Variants in SIX4 observed in about 807,000 individuals in gnomAD.
The protein encoded by SIX4 is homeobox protein SIX4.
Under a neutral mutation model 51.5 loss-of-function variants are expected in SIX4, and 23 were observed. That is an observed-to-expected ratio of 0.45 (90% CI 0.32 to 0.63). The LOEUF (loss-of-function observed/expected upper bound fraction) is 0.63. Among genes scored for constraint, SIX4 ranks in the 30% least tolerant of loss-of-function variants. The pLI is 0.04. For missense variants in SIX4, 867 were observed against 984.0 expected, an observed-to-expected ratio of 0.88 and a Z score of 1.59; for synonymous variants, 413 against 417.3, an observed-to-expected ratio of 0.99 and a Z score of 0.13.
chr14:60,720,206 G>T lies in SIX4; in HGVS notation c.1103C>A (p.Ser368Tyr), dbSNP rs369624724. The T allele has an allele frequency of 1.2e-6, 2 of 1,614,196 alleles. No homozygotes were observed. The highest frequency in any genetic ancestry group is 1.7e-5 in the Admixed American group (1 of 60,018). The change falls in exon 2 of 3, where the codon TCT (serine) becomes TAT (tyrosine). Residue 368 changes from serine to tyrosine, a missense_variant. Ser to Tyr is a moderately radical substitution (Grantham distance 144). Transcript: ENST00000216513. This position sits in a 1 kb window ranked among gnomAD's most constrained non-coding sequence, Gnocchi z 5.5. ...AACTCCACTGGGTCCCTGAATAAAA[G>T]AATTTCCATTAAGGAAGACAGGTGA... ...STSPVFLNGN[S>Y]FIQGPSGVIL...
rs4899016 is a variant in SIX4, at chr14:60,712,191, G to T, written c.*1216C>A. ...TTTTCATAGCCTGTATAATCAATTT[G>T]ACATGGTATTTATAACTTATTTTCC... On this transcript the variant is annotated 3_prime_UTR_variant, in exon 3 of 3. Transcript: ENST00000216513. 105,668 of 152,484 alleles carry T rather than the reference G, an allele frequency of 0.69. 36,835 individuals carry two copies. The highest frequency in any genetic ancestry group is 0.74 in the Admixed American group (11,286 of 15,276). 9.4% of individuals were successfully genotyped at this position (152,484 alleles called of 1,614,324 possible). A position where few individuals can be genotyped will look rare whatever the true frequency, so the allele number is the denominator to read the frequency against.
Position 60,715,676 on chromosome 14 carries a change from C to G in SIX4, c.1550-1473G>C, listed in dbSNP as rs547488941. Among the ~76,000 whole-genome samples the G allele has an allele frequency of 1.1e-4, 17 of 152,244 alleles. No homozygotes were observed. The South Asian group carries it at 3.5e-3, about 32-fold the overall frequency. On this transcript the variant is annotated intron_variant, in intron 2 of 2. Coordinates refer to ENST00000216513, the MANE Select transcript of SIX4 (RefSeq NM_017420.5). Reference sequence around the variant, plus strand: ...AAGCTGAGATGTTCAAATCAGATCACTTAGACAATGTACACGAATTAGACC... The same window carrying G: ...AAGCTGAGATGTTCAAATCAGATCAGTTAGACAATGTACACGAATTAGACC...
rs1260685722 is a variant in SIX4, at chr14:60,722,904, C to G, written c.863+308G>C. On this transcript the variant is annotated intron_variant, in intron 1 of 2. Coordinates refer to ENST00000216513, the MANE Select transcript of SIX4 (RefSeq NM_017420.5). This position sits in a 1 kb window ranked among gnomAD's most constrained non-coding sequence, Gnocchi z 5.9. ...GAGAGGGTGGCAACTTCAAAGCCAGCGGGATGGGGGTGGGAAGCTGGGCAG... is the reference window on the plus strand; with the variant it reads ...GAGAGGGTGGCAACTTCAAAGCCAGGGGGATGGGGGTGGGAAGCTGGGCAG... 3 of 269,730 alleles carry G rather than the reference C, an allele frequency of 1.1e-5. No individual in the cohort carries two copies. Among genetic ancestry groups the G allele is most frequent in the Admixed American group, 1.8e-4 (2 of 11,060 alleles). The allele number at this position is 269,730 out of a possible 1,614,324, so 16.7% of individuals were successfully genotyped here.
Position 60,719,631 on chromosome 14 carries a change from T to C in SIX4, c.1549+129A>G, listed in dbSNP as rs778992475. The C allele has an allele frequency of 1.6e-5, 15 of 921,732 alleles. No individual in the cohort carries two copies. Among genetic ancestry groups the C allele is most frequent in the Non-Finnish European group, 2.2e-5 (14 of 624,102 alleles). 57.1% of individuals were successfully genotyped at this position (921,732 alleles called of 1,614,324 possible). A position where few individuals can be genotyped will look rare whatever the true frequency, so the allele number is the denominator to read the frequency against. On this transcript the variant is annotated intron_variant, in intron 2 of 2. Coordinates refer to ENST00000216513, the MANE Select transcript of SIX4 (RefSeq NM_017420.5). The surrounding 1 kb of genome is among the most constrained non-coding windows in gnomAD (Gnocchi z 4.9). The stretch of plus-strand genomic sequence containing the variant: ...AAGAGGAGAATCACATCAAGGCTAC[T>C]CTACAGCTTCGGCAGCTAATAAGGT...
intron 2 of SIX4, among the ~76,000 whole-genome samples, chr14:60,715,730 G>T (rs552695968): frequency 4.6e-5 from 7 of 152,226 alleles, no homozygotes; most frequent in African/African-American, 1.7e-4. Context: ...ACACTCTTTT[G>T]TTCCTGATTC....
rs1896003767 is a variant in SIX4 at position 60,720,610 on chromosome 14, G to T, written c.864-165C>A. ...ATTTAAACTAAGAGGCCTTTCAGCA[G>T]ATTCCGACCAGCCAGAGAATCTGGG... On this transcript the variant is annotated intron_variant, in intron 1 of 2. Transcript: ENST00000216513. This position sits in a 1 kb window ranked among gnomAD's most constrained non-coding sequence, Gnocchi z 5.5. Among the ~76,000 whole-genome samples, 1 of 152,210 alleles carries T rather than the reference G, an allele frequency of 6.6e-6. No individual in the cohort carries two copies. The highest frequency in any genetic ancestry group is 1.5e-5 in the Non-Finnish European group (1 of 68,040).
chr14:60,721,040 CTTG>C, intron 1 of SIX4: 6 of 985,788 alleles, frequency 6.1e-6, no homozygotes, highest in South Asian at 4.7e-5. Flanking sequence ...AGTGGCTGTC[CTTG>C]TTGTAGGAAA....
chr14:60,720,261 A>T lies in SIX4; in HGVS notation c.1048T>A (p.Leu350Met), dbSNP rs1433671559. ...CTTGCAGGTACCAAGCTTCCATTCAACAGAACTCCAGAAGAGCTTAATGAT... is the reference window on the plus strand; with the variant it reads ...CTTGCAGGTACCAAGCTTCCATTCATCAGAACTCCAGAAGAGCTTAATGAT... ...KISLSSSGVLLNGSLVPASTS... is the reference protein window; with the variant it reads ...KISLSSSGVLMNGSLVPASTS... The change falls in exon 2 of 3, where the codon TTG becomes ATG. Residue 350 changes from leucine (L) to methionine (M), a missense_variant. Physicochemically the swap from Leu to Met is conservative, Grantham distance 15. Coordinates refer to ENST00000216513, the MANE Select transcript of SIX4 (RefSeq NM_017420.5). The surrounding 1 kb of genome is among the most constrained non-coding windows in gnomAD (Gnocchi z 5.5). 1 of 1,614,240 alleles carries T rather than the reference A, an allele frequency of 6.2e-7. No homozygotes were observed. The highest frequency in any genetic ancestry group is 1.1e-5 in the South Asian group (1 of 91,080).
intron 2 of SIX4, among the ~76,000 whole-genome samples, chr14:60,716,667 C>T (rs983192218): frequency 3.3e-5 from 5 of 152,126 alleles, no homozygotes; most frequent in South Asian, 2.1e-4. Flanking sequence ...GAATTACAGG[C>T]GTGACACCAC....
In SIX4 at chr14:60,720,303, T is replaced by C. The variant is rs771636811; in HGVS notation, c.1006A>G (p.Ile336Val). 6.2e-7 allele frequency: 1 copy of C among 1,614,194 alleles called. No homozygotes were observed. Among genetic ancestry groups the C allele is most frequent in the South Asian group, 1.1e-5 (1 of 91,076 alleles). Residue 336 changes from isoleucine to valine, a missense_variant, in exon 2 of 3, where the codon ATT becomes GTT. Physicochemically the swap from Ile to Val is conservative, Grantham distance 29. Transcript: ENST00000216513. The surrounding 1 kb of genome is among the most constrained non-coding windows in gnomAD (Gnocchi z 5.5). ...SHMEPVYMQQ[I>V]GNAKISLSSS... ...CTTAATGATATCTTAGCATTTCCAATTTGTTGCATATATACTGGCTCCATA... is the reference window on the plus strand; with the variant it reads ...CTTAATGATATCTTAGCATTTCCAACTTGTTGCATATATACTGGCTCCATA...
In SIX4 at chr14:60,712,384, T is replaced by G. The variant is rs909240641; in HGVS notation, c.*1023A>C. The stretch of plus-strand genomic sequence containing the variant: ...CCATCAGTGCTTCTGTTGACACTTC[T>G]GTACCTTACTACCAATAAAAAGGCC... On this transcript the variant is annotated 3_prime_UTR_variant, in exon 3 of 3. Transcript: ENST00000216513. The G allele has an allele frequency of 2.6e-5, 4 of 152,642 alleles. No homozygotes were observed. Among genetic ancestry groups the G allele is most frequent in the African/African-American group, 4.8e-5 (2 of 41,456 alleles). The allele number at this position is 152,642 out of a possible 1,614,324, so 9.5% of individuals were successfully genotyped here.
chr14:60,721,654 G>T, intron 1 of SIX4, among the ~76,000 whole-genome samples: 1 of 152,116 alleles, frequency 6.6e-6, no homozygotes, highest in East Asian at 1.9e-4. Context: ...GGGGGACGAA[G>T]AAGCCAGCAG....
At position 60,709,823 on chromosome 14, in the gene SIX4, A is replaced by G. The variant is rs1895791964; in HGVS notation, c.*3584T>C. 6.5e-6 allele frequency: 1 copy of G among 152,678 alleles called. No homozygotes were observed. Among genetic ancestry groups the G allele is most frequent in the South Asian group, 2.1e-4 (1 of 4,836 alleles). 9.5% of individuals were successfully genotyped at this position (152,678 alleles called of 1,614,324 possible). Reference sequence around the variant, plus strand: ...AAGGCACAGTAAAACCATATTGAGTATATAATTGGTTGCCTCTAAACATAC... The same window carrying G: ...AAGGCACAGTAAAACCATATTGAGTGTATAATTGGTTGCCTCTAAACATAC... On this transcript the variant is annotated 3_prime_UTR_variant, in exon 3 of 3. Transcript: ENST00000216513. The surrounding 1 kb of genome is among the most constrained non-coding windows in gnomAD (Gnocchi z 4.1).
In SIX4 at chr14:60,713,944, G is replaced by A. The variant is rs1895870763; in HGVS notation, c.1809C>T (p.Gly603=). 6.2e-7 allele frequency: 1 copy of A among 1,614,092 alleles called. No individual in the cohort carries two copies. Among genetic ancestry groups the A allele is most frequent in the South Asian group, 1.1e-5 (1 of 91,056 alleles). The part of the protein sequence containing the change: ...NLSSENISGS[G]LHPLASSLVN... Reference sequence around the variant, plus strand: ...CTAATGAGGAGGCCAGTGGATGCAGGCCACTCCCCGAGATGTTTTCAGAAG... The same window carrying A: ...CTAATGAGGAGGCCAGTGGATGCAGACCACTCCCCGAGATGTTTTCAGAAG... The change falls in exon 3 of 3, where the codon GGC becomes GGT. Residue 603 remains glycine, a synonymous_variant. Transcript: ENST00000216513.
rs376447107 is a variant in SIX4, at chr14:60,717,099, G to T, written c.1549+2661C>A. On this transcript the variant is annotated intron_variant, in intron 2 of 2. Coordinates refer to ENST00000216513, the MANE Select transcript of SIX4 (RefSeq NM_017420.5). The surrounding 1 kb of genome is among the most constrained non-coding windows in gnomAD (Gnocchi z 4.6). Reference sequence around the variant, plus strand: ...TTATTTATTTATTTTTGAGATAAGGGGTTTTGCTCTTGTTGCCCAGGCTGG... The same window carrying T: ...TTATTTATTTATTTTTGAGATAAGGTGTTTTGCTCTTGTTGCCCAGGCTGG... 4.4e-5 allele frequency: 14 copies of T among 319,204 alleles called. No homozygotes were observed. The highest frequency in any genetic ancestry group is 1.1e-3 in the Middle Eastern group (1 of 908). 19.8% of individuals were successfully genotyped at this position (319,204 alleles called of 1,614,324 possible). A position where few individuals can be genotyped will look rare whatever the true frequency, so the allele number is the denominator to read the frequency against.
In SIX4 at chr14:60,713,744, A is replaced by G. The variant is rs752817146; in HGVS notation, c.2009T>C (p.Ile670Thr). ...GACTGACAATAGGTCTTGACCAGTA[A>G]TAAGGGAGCAGTTCTGAAGAGTTGC... ...NYATLQNCSL[I>T]TGQDLLSVPM... The change falls in exon 3 of 3, where the codon ATT becomes ACT. Residue 670 changes from isoleucine to threonine, a missense_variant. Ile to Thr is a moderately conservative substitution (Grantham distance 89). Transcript: ENST00000216513. The G allele has an allele frequency of 1.2e-6, 2 of 1,614,214 alleles. No homozygotes were observed. The highest frequency in any genetic ancestry group is 1.7e-6 in the Non-Finnish European group (2 of 1,180,040).
In SIX4 at chr14:60,722,523, T is replaced by G. The variant is rs551508681; in HGVS notation, c.863+689A>C. Among the ~76,000 whole-genome samples the G allele has an allele frequency of 6.6e-6, 1 of 152,074 alleles. No homozygotes were observed. Among genetic ancestry groups the G allele is most frequent in the Non-Finnish European group, 1.5e-5 (1 of 68,010 alleles). ...GAGTTCAGAATCAGGTTTCAAAACA[T>G]GACAGAGCCGAGCTGCACCAGCACC... On this transcript the variant is annotated intron_variant, in intron 1 of 2. Coordinates refer to ENST00000216513, the MANE Select transcript of SIX4 (RefSeq NM_017420.5). This position sits in a 1 kb window ranked among gnomAD's most constrained non-coding sequence, Gnocchi z 5.9.
At position 60,720,007 on chromosome 14, in the gene SIX4, C is replaced by T. The variant is rs780139815; in HGVS notation, c.1302G>A (p.Thr434=). Residue 434 remains threonine (T), a synonymous_variant, in exon 2 of 3, where the codon ACG becomes ACA. Transcript: ENST00000216513. The surrounding 1 kb of genome is among the most constrained non-coding windows in gnomAD (Gnocchi z 5.5). ...LQSSANSATT[T]SYSPSVPVSF... is the part of the protein sequence containing the mutation. ...AGACAGGGACACTGGGGCTGTAGGACGTGGTGGTTGCTGAGTTAGCAGAAC... is the reference window on the plus strand; with the variant it reads ...AGACAGGGACACTGGGGCTGTAGGATGTGGTGGTTGCTGAGTTAGCAGAAC... 24 of 1,614,142 alleles carry T rather than the reference C, an allele frequency of 1.5e-5. No homozygotes were observed. Among genetic ancestry groups the T allele is most frequent in the Middle Eastern group, 1.6e-4 (1 of 6,062 alleles).
rs1377721087 is a variant in SIX4, at chr14:60,712,695, G to A, written c.*712C>T. ...GAAAACATATTTTTCAGTTCATAGC[G>A]CCTGAAGAGAAACATATACATTAAA... On this transcript the variant is annotated 3_prime_UTR_variant, in exon 3 of 3. Transcript: ENST00000216513. The A allele has an allele frequency of 6.6e-6, 1 of 152,376 alleles. No homozygotes were observed. The highest frequency in any genetic ancestry group is 1.9e-4 in the East Asian group (1 of 5,196). 9.4% of individuals were successfully genotyped at this position (152,376 alleles called of 1,614,324 possible).
Sources: allele counts gnomAD v4.1 joint callset (sites outside exome capture counted in the v4.1 genomes callset), GRCh38; gene constraint gnomAD v4.1.1; non-coding constraint Gnocchi (gnomAD v3.1); transcripts MANE v1.5; gene names NCBI Gene and HGNC (gene_info 2026-07-23, HGNC 2026-07-21).